Variants in GABBR2 observed in about 807,000 individuals in gnomAD.
The protein encoded by GABBR2 is gamma-aminobutyric acid type B receptor subunit 2, also known as G-protein coupled receptor 51.
In GABBR2, 23 loss-of-function variants were observed where a neutral mutation model predicts 105.6. The observed-to-expected ratio is 0.22, with a 90% confidence interval of 0.16 to 0.31. GABBR2 has a LOEUF of 0.31. Among genes scored for constraint, GABBR2 ranks in the 10% least tolerant of loss-of-function variants. The pLI is 1.00. For synonymous variants in GABBR2, 478 were observed against 499.7 expected, an observed-to-expected ratio of 0.96 and a Z score of 0.58; for missense variants, 734 against 1,245.5, an observed-to-expected ratio of 0.59 and a Z score of 6.18.
intron 6 of GABBR2, among the ~76,000 whole-genome samples, chr9:98,463,676 CAGAGCCT>C (rs1174288669): frequency 6.9e-6 from 1 of 144,124 alleles, no homozygotes; most frequent in Non-Finnish European, 1.5e-5. Flanking sequence ...CCCTCTCTTG[CAGAGCCT>C]GGGCAGTACT....
chr9:98,369,223 C>T (rs573365846), intron 12 of GABBR2, among the ~76,000 whole-genome samples: 14 of 152,328 alleles, frequency 9.2e-5, no homozygotes, highest in African/African-American at 2.2e-4. Context: ...CCCCTCCATG[C>T]GAGCACAGGG....
At chr9:98,604,050 G>A (rs565236647) in intron 1 of GABBR2, among the ~76,000 whole-genome samples, 19 of 152,280 alleles carry the variant, frequency 1.2e-4, no homozygotes, top group Admixed American at 1.1e-3. Context: ...TTGGAGACCC[G>A]CCCGGGCACA....
intron 1 of GABBR2, among the ~76,000 whole-genome samples, chr9:98,689,691 G>A (rs1830661875): frequency 6.6e-6 from 1 of 152,204 alleles, no homozygotes; most frequent in Admixed American, 6.5e-5. Context: ...CTTCAAAAGA[G>A]TCAAAATGAC....
intron 13 of GABBR2, among the ~76,000 whole-genome samples, chr9:98,343,824 C>G (rs1280901211): frequency 1.3e-5 from 2 of 151,970 alleles, no homozygotes; most frequent in African/African-American, 2.4e-5. Flanking sequence ...CCCCACTGCA[C>G]TCCAGCCTGG....
intron 13 of GABBR2, among the ~76,000 whole-genome samples, chr9:98,357,962 G>A (rs1056050018): frequency 4.6e-5 from 7 of 152,170 alleles, no homozygotes; most frequent in African/African-American, 1.4e-4. Flanking sequence ...AGCCTGTTTT[G>A]GGTATTCATG....
chr9:98,449,283 C>G (rs1328470174), intron 7 of GABBR2, among the ~76,000 whole-genome samples: 1 of 152,212 alleles, frequency 6.6e-6, no homozygotes, highest in Admixed American at 6.5e-5. Flanking sequence ...TACTGCCTAG[C>G]AATTGTTCCT....
At chr9:98,449,859 C>T (rs954874432) in intron 7 of GABBR2, among the ~76,000 whole-genome samples, 7 of 152,114 alleles carry the variant, frequency 4.6e-5, no homozygotes, top group African/African-American at 1.4e-4. Context: ...GAGAGATGTA[C>T]GGCACCCCCA....
intron 13 of GABBR2, among the ~76,000 whole-genome samples, chr9:98,319,850 A>G (rs1830788186): frequency 6.6e-6 from 1 of 152,158 alleles, no homozygotes; most frequent in Non-Finnish European, 1.5e-5. Flanking sequence ...GCTCCTCCTC[A>G]CCTTCAGGAA....
chr9:98,359,940 C>G lies in GABBR2; in HGVS notation c.1893+2775G>C, dbSNP rs571452139. ...AGCCAGTGAACACAGGGACACCTCT[C>G]CATAGGAGGTAACACTGGTGCTGAA... On this transcript the variant is annotated intron_variant, in intron 13 of 18. Transcript: ENST00000259455. Among the ~76,000 whole-genome samples, 15 of 152,310 alleles carry G rather than the reference C, an allele frequency of 9.8e-5. 1 individual carries two copies. Among genetic ancestry groups the G allele is most frequent in the Admixed American group, 9.2e-4 (14 of 15,298 alleles).
chr9:98,315,653 A>ACCC (rs567595027), intron 13 of GABBR2, among the ~76,000 whole-genome samples: 2 of 152,130 alleles, frequency 1.3e-5, no homozygotes, highest in African/African-American at 4.8e-5. Flanking sequence ...CAGGTGGGCT[A>ACCC]CCCACCCCCC....
intron 10 of GABBR2, among the ~76,000 whole-genome samples, chr9:98,386,076 G>A (rs77462560): frequency 5.3e-4 from 80 of 152,244 alleles, no homozygotes; most frequent in Admixed American, 1.1e-3. Flanking sequence ...AAAGACCTCA[G>A]ACAACTATAT....
At chr9:98,700,079 C>A (rs956545608) in intron 1 of GABBR2, among the ~76,000 whole-genome samples, 2 of 152,198 alleles carry the variant, frequency 1.3e-5, no homozygotes, top group Non-Finnish European at 2.9e-5. Context: ...CCTCTGCTAA[C>A]CCCTCCTGTG....
chr9:98,586,547 G>A (rs182348931), intron 1 of GABBR2, among the ~76,000 whole-genome samples: 10 of 152,246 alleles, frequency 6.6e-5, no homozygotes, highest in African/African-American at 1.7e-4. Context: ...TGATCCACCC[G>A]CCTTGGCCTC....
chr9:98,608,385 G>T (rs994560309), intron 1 of GABBR2, among the ~76,000 whole-genome samples: 2 of 152,090 alleles, frequency 1.3e-5, no homozygotes, highest in Non-Finnish European at 2.9e-5. Flanking sequence ...TTATTAAACA[G>T]ATTATCTTCA....
At chr9:98,643,888 C>T (rs1202451507) in intron 1 of GABBR2, among the ~76,000 whole-genome samples, 1 of 152,210 alleles carries the variant, frequency 6.6e-6, no homozygotes, top group Admixed American at 6.5e-5. Flanking sequence ...AGAGCCAACA[C>T]CCAGGAAGGG....
chr9:98,625,393 G>A (rs942487260), intron 1 of GABBR2, among the ~76,000 whole-genome samples: 19 of 152,354 alleles, frequency 1.2e-4, no homozygotes, highest in African/African-American at 3.1e-4. Flanking sequence ...CATACCCAGC[G>A]TGGCCCAGGC....
chr9:98,509,459 A>T (rs578095436), intron 3 of GABBR2, among the ~76,000 whole-genome samples: 2 of 152,216 alleles, frequency 1.3e-5, no homozygotes, highest in Non-Finnish European at 2.9e-5. Flanking sequence ...ACTTCAGATG[A>T]TCAAACTACT....
At chr9:98,608,402 T>C (rs1829462374) in intron 1 of GABBR2, among the ~76,000 whole-genome samples, 1 of 152,232 alleles carries the variant, frequency 6.6e-6, no homozygotes, top group South Asian at 2.1e-4. Context: ...TTCAGTTGAA[T>C]GCAAGATAAC....
intron 3 of GABBR2, among the ~76,000 whole-genome samples, chr9:98,508,992 C>T (rs1048464212): frequency 2.0e-5 from 3 of 152,152 alleles, no homozygotes; most frequent in Non-Finnish European, 4.4e-5. Flanking sequence ...CCCTGACTCC[C>T]GAGTAGCCTA....
Sources: gnomAD v4.1 joint callset for allele counts (sites outside exome capture counted in the v4.1 genomes callset) on GRCh38, gnomAD v4.1.1 for gene constraint, MANE v1.5 for transcripts, NCBI Gene and HGNC (gene_info 2026-07-23, HGNC 2026-07-21) for gene names.